Variants in TEAD4 observed in about 807,000 individuals in gnomAD.
The protein encoded by TEAD4 is TEA domain transcription factor 4, also known as transcriptional enhancer factor TEF-3.
A neutral mutation model predicts 52.4 loss-of-function variants in TEAD4; 36 were observed. The observed-to-expected ratio is 0.69, with a 90% CI of 0.53 to 0.91. The LOEUF (loss-of-function observed/expected upper bound fraction) is 0.91, where lower values mean the gene tolerates loss of function less well. TEAD4 is among the 40% of genes least tolerant of loss of function. The pLI is 0.00. For missense variants in TEAD4, 508 were observed against 583.9 expected, an observed-to-expected ratio of 0.87 and a Z score of 1.34; for synonymous variants, 220 against 231.0, an observed-to-expected ratio of 0.95 and a Z score of 0.43.
At chr12:3,022,106 A>C (rs1055054834) in intron 10 of TEAD4, 89 bp downstream of exon 10, 5 of 1,519,590 alleles carry the variant, frequency 3.3e-6, no homozygotes, top group Non-Finnish European at 4.5e-6. Context: ...TGCCCTTGTC[A>C]CAGTAGAAAC....
At chr12:3,018,087 T>TGCA (rs994522311) in intron 6 of TEAD4, among the ~76,000 whole-genome samples, 9 of 152,204 alleles carry the variant, frequency 5.9e-5, no homozygotes, top group African/African-American at 2.2e-4. Flanking sequence ...TCAAGGCACC[T>TGCA]GCAGCACCGC....
intron 2 of TEAD4, among the ~76,000 whole-genome samples, chr12:2,993,898 G>A (rs747815789): frequency 1.3e-4 from 20 of 152,144 alleles, no homozygotes; most frequent in Non-Finnish European, 2.4e-4. Context: ...CACGTGTCCC[G>A]GTTGCCTTCC....
At chr12:3,033,415 G>A (rs2098277135) in intron 10 of TEAD4, among the ~76,000 whole-genome samples, 1 of 152,232 alleles carries the variant, frequency 6.6e-6, no homozygotes, top group African/African-American at 2.4e-5. Context: ...CGCAAGTCCA[G>A]CAGAGGCCAC....
intron 2 of TEAD4, among the ~76,000 whole-genome samples, chr12:2,992,006 G>A (rs1475850029): frequency 7.1e-6 from 1 of 141,582 alleles, no homozygotes. Flanking sequence ...GTTGGGGGGG[G>A]CGGTTCCTGC....
intron 2 of TEAD4, among the ~76,000 whole-genome samples, chr12:2,966,945 G>A (rs1401895249): frequency 2.0e-5 from 3 of 152,104 alleles, no homozygotes; most frequent in South Asian, 2.1e-4. Flanking sequence ...GACCTCAGGC[G>A]ATCCACCTGC....
chr12:2,995,173 G>C (rs2153955427), intron 3 of TEAD4, among the ~76,000 whole-genome samples, 181 bp downstream of exon 3: 1 of 152,278 alleles, frequency 6.6e-6, no homozygotes, highest in East Asian at 1.9e-4. Flanking sequence ...AAGCCTGTGA[G>C]GGGGTGTGGA....
intron 2 of TEAD4, among the ~76,000 whole-genome samples, chr12:2,960,536 G>A (rs1366272099): frequency 6.6e-6 from 1 of 152,080 alleles, no homozygotes; most frequent in African/African-American, 2.4e-5. Context: ...TGAGGCACTT[G>A]AGGCCCCGCG....
rs183439344 is a variant in TEAD4, at chr12:2,976,221, G to T, written c.-30+16181G>T. ...CCATTTTGTGTTCCACCAAGACGCCGGGCTGGTCTTGAATTCCTGACCTCA... is the reference window on the plus strand; with the variant it reads ...CCATTTTGTGTTCCACCAAGACGCCTGGCTGGTCTTGAATTCCTGACCTCA... On this transcript the variant is annotated intron_variant, in intron 2 of 12. Coordinates refer to ENST00000359864, the MANE Select transcript of TEAD4 (RefSeq NM_003213.4). Among the ~76,000 whole-genome samples the T allele has an allele frequency of 2.8e-3, 418 of 151,728 alleles. 3 individuals carry two copies. The highest frequency in any genetic ancestry group is 0.014 in the Middle Eastern group (4 of 290).
At chr12:3,039,883 C>T (rs887305399) in intron 11 of TEAD4, among the ~76,000 whole-genome samples, 5 of 152,202 alleles carry the variant, frequency 3.3e-5, no homozygotes, top group African/African-American at 1.2e-4. Flanking sequence ...AACAAGGTTT[C>T]ACCATGTTGG....
At chr12:3,010,092 G>A (rs1158640029) in intron 3 of TEAD4, among the ~76,000 whole-genome samples, 2 of 152,174 alleles carry the variant, frequency 1.3e-5, no homozygotes, top group Non-Finnish European at 2.9e-5. Flanking sequence ...CTCCTCATCC[G>A]ATGCTTCTCC....
chr12:3,014,767 A>G (rs990152613), intron 5 of TEAD4, among the ~76,000 whole-genome samples: 64 of 152,140 alleles, frequency 4.2e-4, no homozygotes, highest in African/African-American at 1.4e-3. Flanking sequence ...GGTCCTTCCC[A>G]CTTCCTCTGA....
chr12:2,985,993 G>C (rs552082402), intron 2 of TEAD4, among the ~76,000 whole-genome samples: 18 of 151,724 alleles, frequency 1.2e-4, no homozygotes, highest in Admixed American at 1.2e-3. Flanking sequence ...AGGCTGAGGC[G>C]GAGAATTGCT....
intron 2 of TEAD4, among the ~76,000 whole-genome samples, chr12:2,977,827 G>A (rs1393141900): frequency 6.6e-6 from 1 of 152,208 alleles, no homozygotes. Context: ...AGTGGTGGGA[G>A]CTCAGGCCCT....
At chr12:3,016,602 T>TG (rs1331573987) in intron 5 of TEAD4, among the ~76,000 whole-genome samples, 42 of 144,980 alleles carry the variant, frequency 2.9e-4, no homozygotes, top group Admixed American at 1.3e-3. Flanking sequence ...ACCCTGTCTC[T>TG]GGAAAAAAAA....
chr12:2,999,569 C>T (rs567482872), intron 3 of TEAD4, among the ~76,000 whole-genome samples: 2 of 152,300 alleles, frequency 1.3e-5, no homozygotes, highest in East Asian at 3.9e-4. Context: ...TTGTTGGCTC[C>T]AGCCCTCCCC....
In TEAD4 at chr12:2,980,169, C is replaced by T. The variant is rs150681742; in HGVS notation, c.-29-14569C>T. Among the ~76,000 whole-genome samples, 782 of 152,268 alleles carry T rather than the reference C, an allele frequency of 5.1e-3. 5 individuals are homozygous for T. Among genetic ancestry groups the T allele is most frequent in the Non-Finnish European group, 9.1e-3 (620 of 68,020 alleles). ...CAGGGCCTTAGTCTCCTCACTTATACATTGGAGGGCAGTTTTCTTCCCCGA... is the reference window on the plus strand; with the variant it reads ...CAGGGCCTTAGTCTCCTCACTTATATATTGGAGGGCAGTTTTCTTCCCCGA... On this transcript the variant is annotated intron_variant, in intron 2 of 12. Coordinates refer to ENST00000359864, the MANE Select transcript of TEAD4 (RefSeq NM_003213.4).
intron 2 of TEAD4, among the ~76,000 whole-genome samples, chr12:2,976,978 C>A (rs2098230253): frequency 6.6e-6 from 1 of 152,216 alleles, no homozygotes; most frequent in African/African-American, 2.4e-5. Flanking sequence ...AGCCTGCAGG[C>A]CTCCTGCTCC....
In TEAD4 at chr12:2,995,006, C is replaced by A. The variant is rs778768740; in HGVS notation, c.226+14C>A. ...GCAAGATGTATGGTAAGGAGCCCGT[C>A]GGGTTCAGCCCTGTACCTGAGGCTG... On this transcript the variant is annotated intron_variant, in intron 3 of 12. Coordinates refer to ENST00000359864, the MANE Select transcript of TEAD4 (RefSeq NM_003213.4). The A allele has an allele frequency of 6.2e-7, 1 of 1,610,894 alleles. No individual in the cohort carries two copies. The highest frequency in any genetic ancestry group is 1.7e-5 in the Admixed American group (1 of 59,906).
chr12:3,031,179 G>A (rs2098275264), intron 10 of TEAD4, among the ~76,000 whole-genome samples: 1 of 152,228 alleles, frequency 6.6e-6, no homozygotes, highest in African/African-American at 2.4e-5. Context: ...CAACCCTGCT[G>A]TGAGTCTGAG....
Sources: allele counts gnomAD v4.1 joint callset (sites outside exome capture counted in the v4.1 genomes callset), GRCh38; gene constraint gnomAD v4.1.1; transcripts MANE v1.5; gene names NCBI Gene and HGNC (gene_info 2026-07-23, HGNC 2026-07-21).